PPARGC1A: variants seen among roughly 807,000 people sequenced by gnomAD.
PPARGC1A encodes the protein PPARG coactivator 1 alpha.
In PPARGC1A, 25 loss-of-function variants were observed where a neutral mutation model predicts 88.7. The ratio of observed to expected loss-of-function variants is 0.28; its 90% CI spans 0.21 to 0.39. The LOEUF (loss-of-function observed/expected upper bound fraction) is 0.39. PPARGC1A is among the 10% of genes least tolerant of loss of function. The probability of loss-of-function intolerance (pLI) is 1.00; values close to 1 mark genes in which losing one functional copy is unlikely to be tolerated. For synonymous variants in PPARGC1A, 363 were observed against 355.6 expected, an observed-to-expected ratio of 1.02 and a Z score of -0.24; for missense variants, 880 against 968.7, an observed-to-expected ratio of 0.91 and a Z score of 1.22.
the PPARGC1A span, among the ~76,000 whole-genome samples, chr4:24,422,442 C>A: frequency 6.6e-6 from 1 of 152,144 alleles, no homozygotes; most frequent in Non-Finnish European, 1.5e-5. Context: ...ATTTCAGATT[C>A]TTTTTATTAA....
In PPARGC1A at chr4:23,858,514, C is replaced by T. The variant is rs114416880; in HGVS notation, c.234+26238G>A. 7.3e-3 allele frequency among the ~76,000 whole-genome samples: 1,116 copies of T among 152,272 alleles called. 12 individuals carry two copies. The highest frequency in any genetic ancestry group is 0.025 in the African/African-American group (1,055 of 41,562). On this transcript the variant is annotated intron_variant, in intron 2 of 12. Transcript: ENST00000264867. ...TCTCCTAACCATCTTGCTACCATTG[C>T]CTTTAGGTTCTTGGGATACAAAGAG...
the PPARGC1A span, among the ~76,000 whole-genome samples, chr4:24,223,220 T>C: frequency 6.6e-6 from 1 of 151,524 alleles, no homozygotes; most frequent in African/African-American, 2.4e-5. Context: ...TAAATTGCTT[T>C]ATTTTCTCAA....
chr4:23,982,801 C>T, the PPARGC1A span, among the ~76,000 whole-genome samples: 6 of 152,116 alleles, frequency 3.9e-5, no homozygotes, highest in Non-Finnish European at 5.9e-5. Flanking sequence ...AGTAAGATAA[C>T]GTCTGTAAAG....
chr4:23,806,450 GA>G (rs1719823176), intron 10 of PPARGC1A, among the ~76,000 whole-genome samples: 1 of 152,162 alleles, frequency 6.6e-6, no homozygotes, highest in Non-Finnish European at 1.5e-5. Context: ...GAGATGAAAG[GA>G]AAAGAAATCA....
At chr4:23,872,281 C>T (rs58019920) in intron 2 of PPARGC1A, among the ~76,000 whole-genome samples, 1 of 152,332 alleles carries the variant, frequency 6.6e-6, no homozygotes, top group African/African-American at 2.4e-5. Context: ...CACTGACGGT[C>T]TTGCTCTCTT....
chr4:24,339,041 G>A, the PPARGC1A span, among the ~76,000 whole-genome samples: 1 of 151,742 alleles, frequency 6.6e-6, no homozygotes, highest in African/African-American at 2.4e-5. Context: ...AAAATAAATT[G>A]CTATCCCTCC....
At chr4:23,814,861 A>T (rs989493707) in intron 7 of PPARGC1A, among the ~76,000 whole-genome samples, 2 of 152,074 alleles carry the variant, frequency 1.3e-5, no homozygotes, top group African/African-American at 4.8e-5. Flanking sequence ...TCAAACACCA[A>T]TGCTAACAAA....
the PPARGC1A span, among the ~76,000 whole-genome samples, chr4:24,247,113 C>T: frequency 6.6e-6 from 1 of 152,124 alleles, no homozygotes; most frequent in Non-Finnish European, 1.5e-5. Context: ...TGCTCCTCAA[C>T]TCACTGTATT....
chr4:24,285,766 C>A, the PPARGC1A span, among the ~76,000 whole-genome samples: 8 of 152,172 alleles, frequency 5.3e-5, no homozygotes, highest in Non-Finnish European at 1.2e-4. Flanking sequence ...CATTTCTCTG[C>A]AGGTCATTGG....
the PPARGC1A span, among the ~76,000 whole-genome samples, chr4:24,406,977 C>A: frequency 6.6e-6 from 1 of 152,188 alleles, no homozygotes; most frequent in Admixed American, 6.5e-5. Context: ...AGGCAGGAAC[C>A]TTTCTCTGTG....
At chr4:24,105,822 T>C in the PPARGC1A span, among the ~76,000 whole-genome samples, 4 of 152,112 alleles carry the variant, frequency 2.6e-5, no homozygotes, top group Admixed American at 6.5e-5. Context: ...AGACATGGTG[T>C]CCAAGGGGAA....
chr4:24,122,436 TAGAGAG>T, the PPARGC1A span, among the ~76,000 whole-genome samples: 252 of 124,316 alleles, frequency 2.0e-3, no homozygotes, highest in African/African-American at 7.2e-3. Flanking sequence ...TATATATATA[TAGAGAG>T]AGAGAGAGAG....
At chr4:24,218,000 C>G in the PPARGC1A span, among the ~76,000 whole-genome samples, 3 of 152,016 alleles carry the variant, frequency 2.0e-5, no homozygotes, top group Non-Finnish European at 4.4e-5. Flanking sequence ...AAATAAATGA[C>G]ATATTCCAAA....
chr4:24,221,238 T>A, the PPARGC1A span, among the ~76,000 whole-genome samples: 1 of 152,204 alleles, frequency 6.6e-6, no homozygotes, highest in Admixed American at 6.5e-5. Context: ...TTTACTATAT[T>A]TTATTACATA....
chr4:23,795,822 T>C lies in PPARGC1A; in HGVS notation c.2397A>G (p.Ter799=). The C allele has an allele frequency of 1.2e-6, 2 of 1,606,846 alleles. No homozygotes were observed. Among genetic ancestry groups the C allele is most frequent in the South Asian group, 1.1e-5 (1 of 90,412 alleles). ...CTGTCATCCTCAGCTAGGGAACATG[T>C]TACCTGCGCAAGCTTCTCTGAGCTT... The part of the protein sequence containing the change: ...LKEAQRSLRR[*] The change falls in exon 13 of 13, where the codon TAA becomes TAG. Residue 799 remains the stop codon, a stop_retained_variant. Coordinates refer to ENST00000264867, the MANE Select transcript of PPARGC1A (RefSeq NM_013261.5).
chr4:24,189,258 T>C, the PPARGC1A span, among the ~76,000 whole-genome samples: 1 of 152,146 alleles, frequency 6.6e-6, no homozygotes, highest in African/African-American at 2.4e-5. Context: ...ATATTTAATA[T>C]CGCTGAACTA....
chr4:24,431,554 C>A, the PPARGC1A span, among the ~76,000 whole-genome samples: 5 of 152,142 alleles, frequency 3.3e-5, no homozygotes, highest in Non-Finnish European at 7.3e-5. Context: ...GGAGAATAGA[C>A]CAGTCACCCT....
chr4:24,325,353 A>G, the PPARGC1A span, among the ~76,000 whole-genome samples: 1 of 152,050 alleles, frequency 6.6e-6, no homozygotes, highest in Non-Finnish European at 1.5e-5. Flanking sequence ...ACAATAATAG[A>G]AAAAAGTTGC....
intron 2 of PPARGC1A, among the ~76,000 whole-genome samples, chr4:23,840,847 AT>A (rs1320109058): frequency 6.6e-6 from 1 of 152,032 alleles, no homozygotes; most frequent in Non-Finnish European, 1.5e-5. Flanking sequence ...TCCTCGGACA[AT>A]TTGTCTTCTT....
Sources: gnomAD v4.1 joint callset for allele counts (sites outside exome capture counted in the v4.1 genomes callset) on GRCh38, gnomAD v4.1.1 for gene constraint, MANE v1.5 for transcripts, NCBI Gene and HGNC (gene_info 2026-07-23, HGNC 2026-07-21) for gene names.